LINGO1: variants seen among roughly 807,000 people sequenced by gnomAD.
The protein encoded by LINGO1 is leucine-rich repeat and immunoglobulin-like domain-containing nogo receptor-interacting protein 1.
In LINGO1, 11 loss-of-function variants were observed where a neutral mutation model predicts 37.3. The ratio of observed to expected loss-of-function variants is 0.29; its 90% CI spans 0.19 to 0.49. The LOEUF (loss-of-function observed/expected upper bound fraction) is 0.49, where lower values mean the gene tolerates loss of function less well. Ranked by LOEUF, LINGO1 falls within the 20% of genes least tolerant of loss-of-function variation. The pLI is 0.99. For missense variants in LINGO1, 585 were observed against 878.2 expected (o/e 0.67, Z 4.22); for synonymous variants, 387 against 403.0 (o/e 0.96, Z 0.48).
intron 1 of LINGO1, among the ~76,000 whole-genome samples, chr15:77,747,223 C>T (rs1317664432): frequency 1.3e-5 from 2 of 152,212 alleles, no homozygotes; most frequent in African/African-American, 4.8e-5. Flanking sequence ...GCCACATCTC[C>T]TCCTCCTCCT....
At chr15:77,672,296 C>T (rs1229393058) in intron 3 of LINGO1, among the ~76,000 whole-genome samples, 1 of 152,092 alleles carries the variant, frequency 6.6e-6, no homozygotes, top group African/African-American at 2.4e-5. Flanking sequence ...CTGGCCTTTC[C>T]CAACCCAGAT....
At chr15:77,739,274 C>T (rs1361903133) in intron 1 of LINGO1, among the ~76,000 whole-genome samples, 2 of 152,198 alleles carry the variant, frequency 1.3e-5, no homozygotes, top group East Asian at 1.9e-4. Flanking sequence ...CTTCCCTTCC[C>T]CCCTTGGAGC....
chr15:77,774,229 G>A (rs2076614335), intron 1 of LINGO1, among the ~76,000 whole-genome samples: 1 of 152,058 alleles, frequency 6.6e-6, no homozygotes, highest in Admixed American at 6.5e-5. Context: ...AGGTGAGCGG[G>A]GGAATGGGGG....
chr15:77,723,618 C>A (rs535211150), intron 2 of LINGO1, among the ~76,000 whole-genome samples: 42 of 152,300 alleles, frequency 2.8e-4, no homozygotes, highest in African/African-American at 9.1e-4. Context: ...GAGTGCACAG[C>A]CAAGTCCTGG....
At chr15:77,811,779 G>A (rs2077007619) in intron 1 of LINGO1, among the ~76,000 whole-genome samples, 1 of 152,162 alleles carries the variant, frequency 6.6e-6, no homozygotes, top group Admixed American at 6.5e-5. Flanking sequence ...GAAATGTTTA[G>A]GTGTGAAAAG....
At chr15:77,724,678 C>T (rs2076084973) in intron 2 of LINGO1, among the ~76,000 whole-genome samples, 1 of 152,298 alleles carries the variant, frequency 6.6e-6, no homozygotes, top group South Asian at 2.1e-4. Context: ...GGGGGAGGCA[C>T]ATAAAGTGCC....
At chr15:77,807,468 G>A (rs912707167) in intron 1 of LINGO1, among the ~76,000 whole-genome samples, 5 of 152,176 alleles carry the variant, frequency 3.3e-5, no homozygotes, top group Non-Finnish European at 7.3e-5. Context: ...TGCTTCAAAC[G>A]GATGTGCTCA....
chr15:77,785,157 G>T, intron 1 of LINGO1: 1 of 152,362 alleles, frequency 6.6e-6, no homozygotes. Context: ...ACCCAAGTTG[G>T]GAGTGAGTCT....
Position 77,614,612 on chromosome 15 carries a change from T to C in LINGO1, c.1295A>G (p.Gln432Arg). The C allele has an allele frequency of 6.2e-7, 1 of 1,611,506 alleles. No individual in the cohort carries two copies. The highest frequency in any genetic ancestry group is 8.5e-7 in the Non-Finnish European group (1 of 1,179,056). ...GTGGCCCTCGTCCACAAACACCTGC[T>C]GGGCCTTGCGGTCCCGGATGCGGGC... ...RRARIRDRKA[Q>R]QVFVDEGHTV... Residue 432 changes from glutamine to arginine, a missense_variant, in exon 2 of 2, where the codon CAG becomes CGG. By Grantham distance (43) the Gln-to-Arg change is conservative. Coordinates refer to ENST00000355300, the MANE Select transcript of LINGO1 (RefSeq NM_032808.7).
chr15:77,744,301 A>G (rs892251926), intron 1 of LINGO1, among the ~76,000 whole-genome samples: 3 of 152,324 alleles, frequency 2.0e-5, no homozygotes, highest in Admixed American at 2.0e-4. Context: ...TGGGAGGCCA[A>G]GGTGGGCAGA....
intron 1 of LINGO1, among the ~76,000 whole-genome samples, chr15:77,746,839 C>T (rs1184797779): frequency 6.6e-6 from 1 of 152,126 alleles, no homozygotes; most frequent in African/African-American, 2.4e-5. Context: ...CATACATCTG[C>T]CTCCCACCCC....
chr15:77,814,871 G>T (rs2077035328), intron 1 of LINGO1, among the ~76,000 whole-genome samples: 1 of 152,264 alleles, frequency 6.6e-6, no homozygotes, highest in South Asian at 2.1e-4. Context: ...TGAGGCCAGT[G>T]ACCCTGACAT....
chr15:77,659,010 T>C (rs9652489), intron 3 of LINGO1, among the ~76,000 whole-genome samples: 34 of 152,268 alleles, frequency 2.2e-4, no homozygotes, highest in African/African-American at 7.9e-4. Context: ...TCACAGATTG[T>C]AGAGAATTTT....
intron 2 of LINGO1, among the ~76,000 whole-genome samples, chr15:77,722,647 A>C (rs986955961): frequency 6.6e-6 from 1 of 152,258 alleles, no homozygotes; most frequent in African/African-American, 2.4e-5. Context: ...TGGTAATGGT[A>C]TCACGGTTCT....
chr15:77,672,786 G>A (rs938950174), intron 3 of LINGO1, among the ~76,000 whole-genome samples: 16 of 152,206 alleles, frequency 1.1e-4, no homozygotes, highest in Non-Finnish European at 2.2e-4. Flanking sequence ...AGCCCTTAGA[G>A]CTCCTGTTGT....
In LINGO1 at chr15:77,613,666, G is replaced by A. The variant is rs1459355656; in HGVS notation, c.*378C>T. ...AAGTTTGCATTCCGACTAGCTATAG[G>A]AAATAGTTTTTTTCTCTTTTTATTA... On this transcript the variant is annotated 3_prime_UTR_variant, in exon 2 of 2. Transcript: ENST00000355300. The A allele has an allele frequency of 1.4e-5, 3 of 218,142 alleles. No individual in the cohort carries two copies. Among genetic ancestry groups the A allele is most frequent in the African/African-American group, 6.8e-5 (3 of 44,002 alleles). 13.5% of individuals were successfully genotyped at this position (218,142 alleles called of 1,614,324 possible).
At chr15:77,629,477 A>C (rs2074190306) in intron 1 of LINGO1, among the ~76,000 whole-genome samples, 1 of 152,134 alleles carries the variant, frequency 6.6e-6, no homozygotes, top group Non-Finnish European at 1.5e-5. Flanking sequence ...GGACTCAGCC[A>C]GTCTCCCTCT....
chr15:77,680,293 G>A (rs551966528), intron 2 of LINGO1, among the ~76,000 whole-genome samples: 58 of 152,274 alleles, frequency 3.8e-4, no homozygotes, highest in African/African-American at 1.3e-3. Context: ...ACGGAGGAAG[G>A]AAGACAGCCT....
rs574424906 is a variant in LINGO1 at position 77,672,760 on chromosome 15, G to A, written c.-13+4329C>T. Among the ~76,000 whole-genome samples the A allele has an allele frequency of 7.2e-5, 11 of 152,312 alleles. No homozygotes were observed. In the East Asian group the frequency reaches 2.1e-3, roughly 29 times the overall value. The stretch of plus-strand genomic sequence containing the variant: ...TGCAGGCTGACAGGTAAGGCCCCGT[G>A]TGCCTAGCACACAGGAGCCCTTAGA... On this transcript the variant is annotated intron_variant, in intron 3 of 3. Coordinates refer to the LINGO1 transcript ENST00000559893.
Sources: allele counts gnomAD v4.1 joint callset (sites outside exome capture counted in the v4.1 genomes callset), GRCh38; gene constraint gnomAD v4.1.1; transcripts MANE v1.5; gene names NCBI Gene and HGNC (gene_info 2026-07-23, HGNC 2026-07-21).